Variants in NXPE3 observed in about 807,000 individuals in gnomAD.
NXPE3 encodes the protein NXPE family member 3.
A neutral mutation model predicts 46.1 loss-of-function variants in NXPE3; 26 were observed. The ratio of observed to expected loss-of-function variants is 0.56; its 90% confidence interval spans 0.41 to 0.78. NXPE3 has a LOEUF of 0.78. Among genes scored for constraint, NXPE3 ranks in the 30% least tolerant of loss-of-function variants. The pLI, the probability that NXPE3 is intolerant of heterozygous loss-of-function variation, is 0.00. For missense variants in NXPE3, 620 were observed against 686.0 expected, an observed-to-expected ratio of 0.90 and a Z score of 1.07; for synonymous variants, 272 against 257.9, an observed-to-expected ratio of 1.05 and a Z score of -0.52.
chr3:101,814,376 AT>A (rs1941870877), intron 6 of NXPE3, among the ~76,000 whole-genome samples: 1 of 152,174 alleles, frequency 6.6e-6, no homozygotes, highest in Admixed American at 6.5e-5. Context: ...GCCCCCGACA[AT>A]TTTTCTTTGA....
intron 7 of NXPE3, among the ~76,000 whole-genome samples, chr3:101,821,007 ATAAAAG>A (rs2107361131): frequency 6.6e-6 from 1 of 152,332 alleles, no homozygotes; most frequent in East Asian, 1.9e-4. Context: ...CAAACCTAAA[ATAAAAG>A]TAAAAAAACC....
chr3:101,782,480 CACT>C (rs1939881438), intron 2 of NXPE3, among the ~76,000 whole-genome samples, 177 bp from the exon 3 acceptor site: 1 of 151,638 alleles, frequency 6.6e-6, no homozygotes, highest in Non-Finnish European at 1.5e-5. Context: ...TTTTTTTTTA[CACT>C]ACAATTACCT....
At chr3:101,810,471 G>A (rs2107325106) in intron 6 of NXPE3, among the ~76,000 whole-genome samples, 1 of 152,284 alleles carries the variant, frequency 6.6e-6, no homozygotes, top group Admixed American at 6.5e-5. Context: ...AGTTGTGGCA[G>A]CGACATGTAA....
intron 3 of NXPE3, among the ~76,000 whole-genome samples, chr3:101,784,153 G>C (rs1333054951): frequency 6.6e-6 from 1 of 152,146 alleles, no homozygotes; most frequent in Non-Finnish European, 1.5e-5. Flanking sequence ...AAAGAACTAA[G>C]TACCTTGAGC....
rs1461663572 is a variant in NXPE3 at position 101,825,177 on chromosome 3, C to A, written c.*3223C>A. 6.6e-6 allele frequency: 1 copy of A among 152,160 alleles called. No individual in the cohort carries two copies. The highest frequency in any genetic ancestry group is 2.1e-4 in the South Asian group (1 of 4,824). 9.4% of individuals were successfully genotyped at this position (152,160 alleles called of 1,614,324 possible). A position where few individuals can be genotyped will look rare whatever the true frequency, so the allele number is the denominator to read the frequency against. Reference sequence around the variant, plus strand: ...CCTACCCTCCACCCTCCAATAGACCCCAGTGTGTGTTGTTGCCCTTTATGT... The same window carrying A: ...CCTACCCTCCACCCTCCAATAGACCACAGTGTGTGTTGTTGCCCTTTATGT... On this transcript the variant is annotated 3_prime_UTR_variant, in exon 8 of 8. Coordinates refer to ENST00000273347, the MANE Select transcript of NXPE3 (RefSeq NM_145037.4).
intron 4 of NXPE3, among the ~76,000 whole-genome samples, chr3:101,786,226 C>T (rs1442831115): frequency 2.0e-5 from 3 of 152,136 alleles, no homozygotes; most frequent in Admixed American, 6.6e-5. Flanking sequence ...GTTCCTTCTT[C>T]CCTGTCCCCA....
chr3:101,818,783 T>G (rs1228780173), intron 7 of NXPE3, among the ~76,000 whole-genome samples: 3 of 122,942 alleles, frequency 2.4e-5, no homozygotes, highest in African/African-American at 9.8e-5. Context: ...TTTTTTTTTT[T>G]GAGATGGTGT....
rs534609653 is a variant in NXPE3 at position 101,824,557 on chromosome 3, C to T, written c.*2603C>T. On this transcript the variant is annotated 3_prime_UTR_variant, in exon 8 of 8. Transcript: ENST00000273347. The stretch of plus-strand genomic sequence containing the variant: ...TCCTGGGCTCAAGGGATCCTTCTGC[C>T]TCAGCCTCCTGAGTAGCTGGGACTA... The T allele has an allele frequency of 2.0e-5, 3 of 152,426 alleles. No homozygotes were observed. The highest frequency in any genetic ancestry group is 4.4e-5 in the Non-Finnish European group (3 of 68,220). 9.4% of individuals were successfully genotyped at this position (152,426 alleles called of 1,614,324 possible).
In NXPE3 at chr3:101,783,499, A is replaced by G. The variant is rs901677096; in HGVS notation, c.-196+719A>G. Reference sequence around the variant, plus strand: ...TCTTTTCCTGGCACAATCCTCCTAAATTATTGTCAGTAGAAGCCTCTAGCT... The same window carrying G: ...TCTTTTCCTGGCACAATCCTCCTAAGTTATTGTCAGTAGAAGCCTCTAGCT... On this transcript the variant is annotated intron_variant, in intron 3 of 7. Coordinates refer to ENST00000273347, the MANE Select transcript of NXPE3 (RefSeq NM_145037.4). 2.6e-5 allele frequency among the ~76,000 whole-genome samples: 4 copies of G among 152,166 alleles called. No individual in the cohort carries two copies. In the South Asian group the frequency reaches 6.2e-4, roughly 24 times the overall value.
chr3:101,806,871 A>T (rs1460748361), intron 5 of NXPE3, among the ~76,000 whole-genome samples, 182 bp from the exon 6 acceptor site: 1 of 152,208 alleles, frequency 6.6e-6, no homozygotes. Flanking sequence ...GTTTTTATGT[A>T]CATAAAACCT....
In NXPE3 at chr3:101,803,492, T is replaced by G. The variant is rs550207402; in HGVS notation, c.848+1503T>G. Among the ~76,000 whole-genome samples, 90 of 152,304 alleles carry G rather than the reference T, an allele frequency of 5.9e-4. 2 individuals are homozygous for G. Among genetic ancestry groups the G allele is most frequent in the South Asian group, 3.7e-3 (18 of 4,828 alleles). ...TCCTCAAAACAAAACCAAAACAAAA[T>G]TTTTCATTTTATTCGTGGGTTCAGG... On this transcript the variant is annotated intron_variant, in intron 5 of 7. Transcript: ENST00000273347.
At chr3:101,790,146 A>G (rs535137263) in intron 4 of NXPE3, among the ~76,000 whole-genome samples, 1 of 152,216 alleles carries the variant, frequency 6.6e-6, no homozygotes, top group Admixed American at 6.5e-5. Flanking sequence ...ATGGCACAAA[A>G]TATGGTCTAT....
At chr3:101,811,481 C>T (rs890617735) in intron 6 of NXPE3, among the ~76,000 whole-genome samples, 1 of 152,094 alleles carries the variant, frequency 6.6e-6, no homozygotes, top group Non-Finnish European at 1.5e-5. Context: ...ATGATGTGAC[C>T]AAAGTCCAGA....
At chr3:101,785,344 C>T (rs1940091735) in intron 3 of NXPE3, 58 bp from the exon 4 acceptor site, 1 of 409,630 alleles carries the variant, frequency 2.4e-6, no homozygotes, top group Non-Finnish European at 4.6e-6. Context: ...TGTTTTTCCT[C>T]TCACCCCACC....
At chr3:101,819,669 A>G (rs992730525) in intron 7 of NXPE3, among the ~76,000 whole-genome samples, 2 of 152,208 alleles carry the variant, frequency 1.3e-5, no homozygotes, top group Admixed American at 1.3e-4. Context: ...TATGGGGTAC[A>G]ATGTGATATT....
In NXPE3 at chr3:101,808,848, T is replaced by TAC. The variant is rs1560057814; in HGVS notation, c.922+1723_922+1724insCA. On this transcript the variant is annotated intron_variant, in intron 6 of 7. Coordinates refer to ENST00000273347, the MANE Select transcript of NXPE3 (RefSeq NM_145037.4). Reference sequence around the variant, plus strand: ...ATATATATATATATATATATATATATATATATATGAGACATTTATCTTTTA... The same window carrying TAC: ...ATATATATATATATATATATATATATACATATATATGAGACATTTATCTTTTA... Among the ~76,000 whole-genome samples, 85 of 131,156 alleles carry TAC rather than the reference T, an allele frequency of 6.5e-4. 5 individuals are homozygous for TAC. In the Middle Eastern group the frequency reaches 0.011, roughly 17 times the overall value. The allele number at this position is 131,156 out of a possible 152,430, so 86.0% of individuals were successfully genotyped here. A position where few individuals can be genotyped will look rare whatever the true frequency, so the allele number is the denominator to read the frequency against.
In NXPE3 at chr3:101,825,385, G is replaced by A. The variant is rs1206018424; in HGVS notation, c.*3431G>A. ...CTTCTGAAAAGTTTATTTTAGGCTA[G>A]TGCCACATGGTTGTGAATATTAGCA... On this transcript the variant is annotated 3_prime_UTR_variant, in exon 8 of 8. Coordinates refer to ENST00000273347, the MANE Select transcript of NXPE3 (RefSeq NM_145037.4). 4.6e-5 allele frequency: 7 copies of A among 152,204 alleles called. No homozygotes were observed. Among genetic ancestry groups the A allele is most frequent in the Admixed American group, 3.9e-4 (6 of 15,280 alleles). 9.4% of individuals were successfully genotyped at this position (152,204 alleles called of 1,614,324 possible). A position where few individuals can be genotyped will look rare whatever the true frequency, so the allele number is the denominator to read the frequency against.
Position 101,801,933 on chromosome 3 carries a change from C to T in NXPE3, c.792C>T (p.Phe264=). Residue 264 remains phenylalanine, a synonymous_variant, in exon 5 of 8, where the codon TTC becomes TTT. Coordinates refer to ENST00000273347, the MANE Select transcript of NXPE3 (RefSeq NM_145037.4). ...KLPCSSRITH[F]KGGYLKGLLT... is the part of the protein sequence containing the mutation. ...CTTGCAGCAGCAGAATTACCCATTT[C>T]AAAGGTGGATACCTGAAAGGTCTCC... The T allele has an allele frequency of 6.2e-7, 1 of 1,613,976 alleles. No homozygotes were observed. The highest frequency in any genetic ancestry group is 8.5e-7 in the Non-Finnish European group (1 of 1,179,998).
At position 101,822,130 on chromosome 3, in the gene NXPE3, C is replaced by T. The variant is rs766036564; in HGVS notation, c.*176C>T. 5.0e-6 allele frequency: 3 copies of T among 601,812 alleles called. No individual in the cohort carries two copies. In the East Asian group the frequency reaches 8.3e-5, roughly 17 times the overall value. 37.3% of individuals were successfully genotyped at this position (601,812 alleles called of 1,614,324 possible). A position where few individuals can be genotyped will look rare whatever the true frequency, so the allele number is the denominator to read the frequency against. The stretch of plus-strand genomic sequence containing the variant: ...TAGAAAATGCAGGTTACATTTATAT[C>T]TACCTATAGGATTTTATCCAATGTT... On this transcript the variant is annotated 3_prime_UTR_variant, in exon 8 of 8. Coordinates refer to ENST00000273347, the MANE Select transcript of NXPE3 (RefSeq NM_145037.4).
Sources: allele counts gnomAD v4.1 joint callset (sites outside exome capture counted in the v4.1 genomes callset), GRCh38; gene constraint gnomAD v4.1.1; transcripts MANE v1.5; gene names NCBI Gene and HGNC (gene_info 2026-07-23, HGNC 2026-07-21).